The following BRAF variants were observed in gnomAD, a reference collection of about 807,000 sequenced individuals.
The protein encoded by BRAF is serine/threonine-protein kinase B-raf.
A neutral mutation model predicts 104.6 loss-of-function variants in BRAF; 16 were observed. The observed-to-expected ratio is 0.15, with a 90% CI of 0.10 to 0.23. The LOEUF (loss-of-function observed/expected upper bound fraction) is 0.23, where lower values mean the gene tolerates loss of function less well. Among genes scored for constraint, BRAF ranks in the 10% least tolerant of loss-of-function variants. BRAF has a pLI of 1.00. For synonymous variants in BRAF, 310 were observed against 341.6 expected, an observed-to-expected ratio of 0.91 and a Z score of 1.02; for missense variants, 541 against 937.3, an observed-to-expected ratio of 0.58 and a Z score of 5.52.
At chr7:140,763,605 T>A (rs1799012298) in intron 14 of BRAF, among the ~76,000 whole-genome samples, 1 of 152,108 alleles carries the variant, frequency 6.6e-6, no homozygotes, top group African/African-American at 2.4e-5. Context: ...AAAAAAATGA[T>A]AAAGGGGATA....
At chr7:140,810,099 CAA>C (rs908257282) in intron 3 of BRAF, among the ~76,000 whole-genome samples, 8 of 151,660 alleles carry the variant, frequency 5.3e-5, no homozygotes, top group African/African-American at 1.7e-4. Flanking sequence ...CTTAGCAAAC[CAA>C]AAGTTTCCAA....
intron 3 of BRAF, among the ~76,000 whole-genome samples, chr7:140,827,937 C>T (rs949437390): frequency 6.6e-6 from 1 of 152,058 alleles, no homozygotes; most frequent in Admixed American, 6.5e-5. Context: ...GCTCTTGTTG[C>T]CCCGGCTGGA....
chr7:140,747,280 T>C (rs1797431430), intron 17 of BRAF: 2 of 642,460 alleles, frequency 3.1e-6, no homozygotes, highest in Non-Finnish European at 4.1e-6. Context: ...TTCTTCTCCA[T>C]TAAATACTTA....
At chr7:140,847,283 T>A (rs1421938938) in intron 2 of BRAF, among the ~76,000 whole-genome samples, 1 of 149,830 alleles carries the variant, frequency 6.7e-6, no homozygotes, top group Non-Finnish European at 1.5e-5. Flanking sequence ...GGCCATTTTT[T>A]AAAAAATTGC....
Position 140,734,782 on chromosome 7 carries a change from AAAAG to A in BRAF, c.2248-16_2248-13del. ...ATAGAGGCGAGAATCTACAAAAAAA[AAAAG>A]AAAAAAAAAAGAAAAAAAAAGAAAA... On this transcript the variant is annotated splice_polypyrimidine_tract_variant and intron_variant, in intron 18 of 19. Coordinates refer to ENST00000644969, the MANE Select transcript of BRAF (RefSeq NM_001374258.1). The A allele has an allele frequency of 7.5e-7, 1 of 1,336,240 alleles. No individual in the cohort carries two copies. Among genetic ancestry groups the A allele is most frequent in the Non-Finnish European group, 9.7e-7 (1 of 1,025,730 alleles). The allele number at this position is 1,336,240 out of a possible 1,614,324, so 82.8% of individuals were successfully genotyped here. A position where few individuals can be genotyped will look rare whatever the true frequency, so the allele number is the denominator to read the frequency against.
intron 19 of BRAF, chr7:140,731,573 A>G (rs1795966139): frequency 6.6e-6 from 1 of 152,214 alleles, no homozygotes; most frequent in African/African-American, 2.4e-5. Context: ...AGGCCATTTA[A>G]GCTGGTATAT....
At chr7:140,844,168 C>T (rs1022644576) in intron 2 of BRAF, among the ~76,000 whole-genome samples, 4 of 151,972 alleles carry the variant, frequency 2.6e-5, no homozygotes, top group African/African-American at 4.8e-5. Flanking sequence ...TCCAAGTGTG[C>T]GCTCACCATT....
intron 1 of BRAF, among the ~76,000 whole-genome samples, chr7:140,909,145 G>C (rs1382887977): frequency 3.9e-5 from 6 of 152,180 alleles, no homozygotes; most frequent in Admixed American, 2.6e-4. Flanking sequence ...TAATTCAGAG[G>C]CTGGGCACAG....
At chr7:140,746,852 GA>G (rs1247636837) in intron 17 of BRAF, among the ~76,000 whole-genome samples, 11 of 144,872 alleles carry the variant, frequency 7.6e-5, no homozygotes, top group South Asian at 2.2e-4. Flanking sequence ...AAAGAAAAAA[GA>G]AAAAAAAAAG....
At chr7:140,825,939 A>G (rs1805999703) in intron 3 of BRAF, among the ~76,000 whole-genome samples, 1 of 152,174 alleles carries the variant, frequency 6.6e-6, no homozygotes. Flanking sequence ...TGTCATTTGT[A>G]AATGTTAGCC....
chr7:140,915,608 G>A (rs1349909155), intron 1 of BRAF, among the ~76,000 whole-genome samples: 1 of 151,586 alleles, frequency 6.6e-6, no homozygotes, highest in East Asian at 1.9e-4. Context: ...CTAATTTTTT[G>A]CATTTTTAGT....
In BRAF at chr7:140,846,215, TTATTGA is replaced by T. The variant is rs569684600; in HGVS notation, c.240+3890_240+3895del. On this transcript the variant is annotated intron_variant, in intron 2 of 19. Coordinates refer to ENST00000644969, the MANE Select transcript of BRAF (RefSeq NM_001374258.1). ...TACTCGTACACCCATGTTCACAGCA[TTATTGA>T]TAATAGCCAAAACGTAGAAGCAACC... 9.2e-5 allele frequency among the ~76,000 whole-genome samples: 14 copies of T among 152,292 alleles called. No individual in the cohort carries two copies. In the South Asian group the frequency reaches 2.7e-3, roughly 29 times the overall value.
At chr7:140,785,220 A>T (rs1801235636) in intron 10 of BRAF, among the ~76,000 whole-genome samples, 1 of 152,212 alleles carries the variant, frequency 6.6e-6, no homozygotes, top group African/African-American at 2.4e-5. Flanking sequence ...AATCTGAAAA[A>T]AGGCCAAAAG....
chr7:140,724,392 C>A lies in BRAF; in HGVS notation c.*2102G>T. On this transcript the variant is annotated 3_prime_UTR_variant, in exon 20 of 20. Transcript: ENST00000644969. ...AGATATATTTAAAAAGAAAAAACAG[C>A]CAATGCTTTTCAAGAGAGGCAGTAT... is the stretch of plus-strand genomic sequence containing the variant. 9.5e-7 allele frequency: 1 copy of A among 1,055,408 alleles called. No homozygotes were observed. Among genetic ancestry groups the A allele is most frequent in the South Asian group, 4.6e-5 (1 of 21,888 alleles). The allele number at this position is 1,055,408 out of a possible 1,614,324, so 65.4% of individuals were successfully genotyped here.
At chr7:140,889,584 T>A (rs1410515545) in intron 1 of BRAF, among the ~76,000 whole-genome samples, 1 of 152,184 alleles carries the variant, frequency 6.6e-6, no homozygotes, top group Admixed American at 6.5e-5. Flanking sequence ...GATATCAGTG[T>A]ATTAATGCAA....
chr7:140,717,439 T>C (rs1430782142), downstream of BRAF, among the ~76,000 whole-genome samples: 4 of 152,046 alleles, frequency 2.6e-5, no homozygotes, highest in East Asian at 7.7e-4. Flanking sequence ...CCCAGCTAAT[T>C]AAATTTTTTT....
chr7:140,716,242 T>C (rs541915940), downstream of BRAF, among the ~76,000 whole-genome samples: 1 of 152,314 alleles, frequency 6.6e-6, no homozygotes, highest in African/African-American at 2.4e-5. Context: ...ACTCAGGCTG[T>C]TGGAGTCAGA....
chr7:140,923,798 T>C (rs1484403181), intron 1 of BRAF, among the ~76,000 whole-genome samples: 2 of 151,986 alleles, frequency 1.3e-5, no homozygotes, highest in Non-Finnish European at 2.9e-5. Context: ...GTAAGAGAAG[T>C]GCAAAAATGC....
chr7:140,751,595 T>A (rs898881673), intron 16 of BRAF, among the ~76,000 whole-genome samples: 1 of 152,202 alleles, frequency 6.6e-6, no homozygotes, highest in Non-Finnish European at 1.5e-5. Context: ...CAACTCAACA[T>A]TTCAGATGTA....
Sources: allele counts gnomAD v4.1 joint callset (sites outside exome capture counted in the v4.1 genomes callset), GRCh38; gene constraint gnomAD v4.1.1; transcripts MANE v1.5; gene names NCBI Gene and HGNC (gene_info 2026-07-23, HGNC 2026-07-21).